The following PRUNE2 variants were observed in gnomAD, a reference collection of about 807,000 sequenced individuals.
PRUNE2 encodes protein prune homolog 2.
Under a neutral mutation model 252.0 loss-of-function variants are expected in PRUNE2, and 164 were observed. The ratio of observed to expected loss-of-function variants is 0.65; its 90% CI spans 0.57 to 0.74. The LOEUF (loss-of-function observed/expected upper bound fraction) is 0.74. Ranked by LOEUF, PRUNE2 falls within the 30% of genes least tolerant of loss-of-function variation. The probability of loss-of-function intolerance (pLI) is 0.00; values close to 1 mark genes in which losing one functional copy is unlikely to be tolerated. For missense variants in PRUNE2, 3,495 were observed against 3,711.0 expected (o/e 0.94, Z 1.51); for synonymous variants, 1,292 against 1,350.2 (o/e 0.96, Z 0.94).
intron 1 of PRUNE2, among the ~76,000 whole-genome samples, chr9:76,877,814 C>A (rs962874850): frequency 7.2e-5 from 11 of 152,184 alleles, no homozygotes; most frequent in African/African-American, 2.4e-4. Context: ...TTTATAATAT[C>A]ACTTCCAGCC....
chr9:76,630,669 T>A lies in PRUNE2; in HGVS notation c.9051-1379A>T, dbSNP rs564175732. ...CCTCCCGAGTAGCTGGGACTACAGGTGCCTGCCACCATGCCTGGCTAATTT... is the reference window on the plus strand; with the variant it reads ...CCTCCCGAGTAGCTGGGACTACAGGAGCCTGCCACCATGCCTGGCTAATTT... On this transcript the variant is annotated intron_variant, in intron 15 of 18. Transcript: ENST00000376718. Among the ~76,000 whole-genome samples the A allele has an allele frequency of 2.8e-3, 419 of 152,242 alleles. 3 individuals carry two copies. Among genetic ancestry groups the A allele is most frequent in the African/African-American group, 9.8e-3 (406 of 41,564 alleles).
chr9:76,882,607 G>A (rs2061850959), intron 1 of PRUNE2, among the ~76,000 whole-genome samples: 1 of 152,110 alleles, frequency 6.6e-6, no homozygotes, highest in African/African-American at 2.4e-5. Context: ...TCACATGGTG[G>A]GAACAGGAGC....
At position 76,873,495 on chromosome 9, in the gene PRUNE2, T is replaced by C. The variant is rs1042569580; in HGVS notation, c.37-19287A>G. Among the ~76,000 whole-genome samples the C allele has an allele frequency of 2.1e-4, 32 of 152,296 alleles. 1 individual carries two copies. Among genetic ancestry groups the C allele is most frequent in the Admixed American group, 1.8e-3 (28 of 15,296 alleles). On this transcript the variant is annotated intron_variant, in intron 1 of 18. Coordinates refer to ENST00000376718, the MANE Select transcript of PRUNE2 (RefSeq NM_015225.3). ...TTCAATCTTTGTGTCTAATTTCACA[T>C]CTGTAATCCCTTTTCCCTTTTCAAG...
chr9:76,795,399 G>A (rs931939143), intron 6 of PRUNE2, among the ~76,000 whole-genome samples: 1 of 152,148 alleles, frequency 6.6e-6, no homozygotes, highest in African/African-American at 2.4e-5. Flanking sequence ...TTTGAGAGGG[G>A]TCTTATTTCT....
intron 9 of PRUNE2, among the ~76,000 whole-genome samples, chr9:76,678,097 TG>T (rs1554687389): frequency 3.9e-5 from 6 of 152,028 alleles, no homozygotes; most frequent in Non-Finnish European, 8.8e-5. Flanking sequence ...TGGCCGGGCT[TG>T]GGGGCTCATG....
At chr9:76,660,706 C>T (rs547188920) in intron 9 of PRUNE2, among the ~76,000 whole-genome samples, 8 of 146,328 alleles carry the variant, frequency 5.5e-5, no homozygotes, top group East Asian at 4.1e-4. Context: ...CACCTGAACC[C>T]GGGAGGCGGA....
Position 76,708,274 on chromosome 9 carries a change from T to C in PRUNE2, c.4000A>G (p.Thr1334Ala), listed in dbSNP as rs1564107819. The C allele has an allele frequency of 6.2e-7, 1 of 1,613,866 alleles. No homozygotes were observed. The highest frequency in any genetic ancestry group is 8.5e-7 in the Non-Finnish European group (1 of 1,179,884). ...TCTTCATCAAGGTGCCCCCTGTCAG[T>C]GGCTCCCTGGGCTTCCTTCTCACTT... is the stretch of plus-strand genomic sequence containing the variant. ...SESEKEAQGA[T>A]DRGHLDEEEV... is the part of the protein sequence containing the mutation. The change falls in exon 8 of 19, where the codon ACT (threonine) becomes GCT (alanine). Residue 1334 changes from threonine (T) to alanine (A), a missense_variant. Thr to Ala is a moderately conservative substitution (Grantham distance 58, BLOSUM62 0). Transcript: ENST00000376718.
rs1454741474 is a variant in PRUNE2, at chr9:76,710,180, G to A, written c.2094C>T (p.Ala698=). 1.2e-6 allele frequency: 2 copies of A among 1,613,788 alleles called. No individual in the cohort carries two copies. The highest frequency in any genetic ancestry group is 1.7e-5 in the Admixed American group (1 of 59,994). ...EHKPSSIDRR[A]SDSVFQPKSL... ...TCTTTGGTTGAAATACAGAATCTGA[G>A]GCTCTCCTATCAATGGAGCTTGGCT... The change falls in exon 8 of 19, where the codon GCC becomes GCT. Residue 698 remains alanine, a synonymous_variant. Transcript: ENST00000376718.
At chr9:76,874,710 A>C (rs2061388377) in intron 1 of PRUNE2, among the ~76,000 whole-genome samples, 1 of 152,174 alleles carries the variant, frequency 6.6e-6, no homozygotes, top group African/African-American at 2.4e-5. Context: ...AACAGAAATA[A>C]TGCTAGGAAA....
intron 1 of PRUNE2, among the ~76,000 whole-genome samples, chr9:76,879,878 CATAT>C (rs1391636538): frequency 0.029 from 2,192 of 75,164 alleles, 89 homozygotes; most frequent in African/African-American, 0.04. Flanking sequence ...AGAGGCCTGT[CATAT>C]ATATATATAT....
Position 76,705,853 on chromosome 9 carries a change from T to C in PRUNE2, c.6421A>G (p.Ile2141Val). The change falls in exon 8 of 19, where the codon ATA becomes GTA. Residue 2141 changes from isoleucine to valine, a missense_variant. Physicochemically the swap from Ile to Val is conservative, Grantham distance 29. Transcript: ENST00000376718. ...SSELCLTEPE[I>V]DEEPIYEPGR... ...GGCTCATAAATGGGTTCTTCATCTA[T>C]CTCTGGCTCAGTGAGACAAAGCTCA... 3 of 1,613,650 alleles carry C rather than the reference T, an allele frequency of 1.9e-6. No homozygotes were observed. The highest frequency in any genetic ancestry group is 1.7e-6 in the Non-Finnish European group (2 of 1,179,876).
At position 76,686,632 on chromosome 9, in the gene PRUNE2, T is replaced by C. The variant is rs139028144; in HGVS notation, c.8276+16705A>G. On this transcript the variant is annotated intron_variant, in intron 9 of 18. Transcript: ENST00000376718. ...ACCATGCCTGGCTGTTTTAAAAAAA[T>C]TTTTGGTAGAGTCAGGGTCTGACTG... Among the ~76,000 whole-genome samples, 5 of 151,916 alleles carry C rather than the reference T, an allele frequency of 3.3e-5. No individual in the cohort carries two copies. In the East Asian group the frequency reaches 9.7e-4, roughly 29 times the overall value.
chr9:76,765,599 T>C (rs971156782), intron 6 of PRUNE2, among the ~76,000 whole-genome samples: 1 of 152,150 alleles, frequency 6.6e-6, no homozygotes, highest in Non-Finnish European at 1.5e-5. Context: ...GAGTAAACTA[T>C]CTATCCATCC....
chr9:76,698,962 G>C (rs998072123), intron 9 of PRUNE2, among the ~76,000 whole-genome samples: 1 of 152,088 alleles, frequency 6.6e-6, no homozygotes, highest in Admixed American at 6.5e-5. Flanking sequence ...CCACAAGTAT[G>C]AGGGTCAGGT....
At chr9:76,793,763 A>C (rs1320360365) in intron 6 of PRUNE2, among the ~76,000 whole-genome samples, 1 of 152,178 alleles carries the variant, frequency 6.6e-6, no homozygotes, top group Non-Finnish European at 1.5e-5. Flanking sequence ...AAAAAGAAAA[A>C]AAAAAGGCTC....
At position 76,796,534 on chromosome 9, in the gene PRUNE2, C is replaced by A. The variant is rs555565621; in HGVS notation, c.756+27098G>T. ...ATTGGTGTCACAAGTGTCTGGCATG[C>A]ACTTTATGCTACTCACACAACCTGT... On this transcript the variant is annotated intron_variant, in intron 6 of 18. Transcript: ENST00000376718. Among the ~76,000 whole-genome samples, 3 of 152,316 alleles carry A rather than the reference C, an allele frequency of 2.0e-5. No homozygotes were observed. The South Asian group carries it at 6.2e-4, about 32-fold the overall frequency.
chr9:76,698,612 AC>A (rs1304324397), intron 9 of PRUNE2, among the ~76,000 whole-genome samples: 4 of 152,160 alleles, frequency 2.6e-5, no homozygotes, highest in Non-Finnish European at 5.9e-5. Flanking sequence ...ATTATCCAAC[AC>A]TGAGAGAAAG....
intron 10 of PRUNE2, among the ~76,000 whole-genome samples, chr9:76,654,101 A>G (rs1037990118): frequency 2.5e-4 from 38 of 152,162 alleles, no homozygotes; most frequent in African/African-American, 9.2e-4. Flanking sequence ...TCATTAGAAA[A>G]TTGCTTGGTG....
chr9:76,801,702 T>G (rs2056567952), intron 6 of PRUNE2, among the ~76,000 whole-genome samples: 1 of 152,202 alleles, frequency 6.6e-6, no homozygotes. Context: ...TAGTTTCATA[T>G]AATACAGAGC....
Sources: gnomAD v4.1 joint callset for allele counts (sites outside exome capture counted in the v4.1 genomes callset) on GRCh38, gnomAD v4.1.1 for gene constraint, MANE v1.5 for transcripts, NCBI Gene and HGNC (gene_info 2026-07-23, HGNC 2026-07-21) for gene names.